Variants in PRKCA observed in about 807,000 individuals in gnomAD.
PRKCA encodes protein kinase C alpha type.
Under a neutral mutation model 87.0 loss-of-function variants are expected in PRKCA, and 27 were observed. That is an observed-to-expected ratio of 0.31 (90% CI 0.23 to 0.43). PRKCA has a LOEUF of 0.43. Ranked by LOEUF, PRKCA falls within the 20% of genes least tolerant of loss-of-function variation. PRKCA has a pLI of 1.00. For missense variants in PRKCA, 518 were observed against 852.3 expected (o/e 0.61, Z 4.88); for synonymous variants, 329 against 311.1 (o/e 1.06, Z -0.61).
rs184006804 is a variant in PRKCA, at chr17:66,642,813, C to T, written c.400+1347C>T. 2.2e-3 allele frequency among the ~76,000 whole-genome samples: 328 copies of T among 152,128 alleles called. 1 individual carries two copies. Among genetic ancestry groups the T allele is most frequent in the Middle Eastern group, 0.01 (3 of 294 alleles). On this transcript the variant is annotated intron_variant, in intron 4 of 16. Transcript: ENST00000413366. ...ATCCCAGCACTTTGGGAGGCCGAGG[C>T]GGGAGGATCACCTGAGGTTAGGAGT...
At chr17:66,520,295 A>G (rs1009300890) in intron 3 of PRKCA, among the ~76,000 whole-genome samples, 4 of 151,728 alleles carry the variant, frequency 2.6e-5, no homozygotes, top group African/African-American at 9.7e-5. Flanking sequence ...TAATTTTTGT[A>G]CTTTTAGTAG....
At chr17:66,652,276 A>G (rs1971609487) in intron 5 of PRKCA, among the ~76,000 whole-genome samples, 1 of 152,212 alleles carries the variant, frequency 6.6e-6, no homozygotes, top group Non-Finnish European at 1.5e-5. Flanking sequence ...CTTGATTAAA[A>G]GAGAATGAGG....
At chr17:66,448,980 TA>T (rs58373500) in intron 2 of PRKCA, among the ~76,000 whole-genome samples, 26,461 of 140,376 alleles carry the variant, frequency 0.19, 2,597 homozygotes, top group East Asian at 0.26. Flanking sequence ...ACTCTAAACT[TA>T]AAAAAAAAAA....
At chr17:66,372,123 T>G (rs1194590721) in intron 2 of PRKCA, among the ~76,000 whole-genome samples, 1 of 152,194 alleles carries the variant, frequency 6.6e-6, no homozygotes, top group Non-Finnish European at 1.5e-5. Flanking sequence ...TCGTGGGGAC[T>G]TCATTTAAAA....
At chr17:66,789,356 C>T (rs12937559) in intron 16 of PRKCA, among the ~76,000 whole-genome samples, 20,215 of 152,232 alleles carry the variant, frequency 0.13, 1,443 homozygotes, top group East Asian at 0.18. Context: ...GGCTTCGTGT[C>T]TGTCTCTGGT....
chr17:66,576,936 G>A (rs118072589), intron 3 of PRKCA, among the ~76,000 whole-genome samples: 8,040 of 149,538 alleles, frequency 0.054, 273 homozygotes, highest in East Asian at 0.13. Context: ...GTCCAGTGGT[G>A]CGATCTTGGC....
chr17:66,303,224 C>T (rs1282162835), intron 1 of PRKCA, among the ~76,000 whole-genome samples, 200 bp downstream of exon 1: 2 of 152,236 alleles, frequency 1.3e-5, no homozygotes, highest in East Asian at 3.9e-4. Context: ...GCCGTCCCGC[C>T]ACACACACCC....
chr17:66,612,935 T>G (rs1007872867), intron 3 of PRKCA, among the ~76,000 whole-genome samples: 1 of 152,210 alleles, frequency 6.6e-6, no homozygotes, highest in African/African-American at 2.4e-5. Context: ...AAAGTCATGT[T>G]TATTCATTTG....
chr17:66,556,364 G>A (rs569041428), intron 3 of PRKCA, among the ~76,000 whole-genome samples: 95 of 138,544 alleles, frequency 6.9e-4, no homozygotes, highest in South Asian at 1.8e-3. Flanking sequence ...AGTCTTCATG[G>A]GCATTAGGTG....
chr17:66,668,488 C>A (rs1194827899), intron 5 of PRKCA, among the ~76,000 whole-genome samples: 1 of 152,134 alleles, frequency 6.6e-6, no homozygotes, highest in Non-Finnish European at 1.5e-5. Context: ...CTGGCTCCAG[C>A]AAAAACACAC....
intron 5 of PRKCA, among the ~76,000 whole-genome samples, chr17:66,665,286 A>G (rs1972014226): frequency 1.3e-5 from 2 of 152,222 alleles, no homozygotes; most frequent in African/African-American, 2.4e-5. Context: ...GGAACTTGCC[A>G]GGTGACAAGG....
At chr17:66,324,354 C>T (rs1905851832) in intron 2 of PRKCA, among the ~76,000 whole-genome samples, 2 of 151,304 alleles carry the variant, frequency 1.3e-5, no homozygotes, top group Admixed American at 1.3e-4. Flanking sequence ...GTAATCCCAG[C>T]ACTTTGGGAG....
At chr17:66,518,535 A>G (rs1285149712) in intron 3 of PRKCA, among the ~76,000 whole-genome samples, 6 of 152,230 alleles carry the variant, frequency 3.9e-5, no homozygotes, top group Non-Finnish European at 7.3e-5. Context: ...TGTGAATGCT[A>G]CCAGAAAGGT....
intron 2 of PRKCA, among the ~76,000 whole-genome samples, chr17:66,434,764 G>A (rs574874624): frequency 8.5e-4 from 129 of 152,138 alleles, no homozygotes; most frequent in Non-Finnish European, 1.5e-3. Flanking sequence ...CTCTTGCCTG[G>A]GTTAGAATGA....
chr17:66,347,815 G>T (rs1567783278), intron 2 of PRKCA, among the ~76,000 whole-genome samples: 1 of 152,002 alleles, frequency 6.6e-6, no homozygotes, highest in East Asian at 1.9e-4. Flanking sequence ...CAACCATATT[G>T]TAGTTGTTCT....
Position 66,407,524 on chromosome 17 carries a change from A to G in PRKCA, c.206-88677A>G, listed in dbSNP as rs985476756. On this transcript the variant is annotated intron_variant, in intron 2 of 16. Transcript: ENST00000413366. The stretch of plus-strand genomic sequence containing the variant: ...TGAGCCAGTTAAACCTCTTTTCTTT[A>G]TAAATTACCTAGTCACAGGTATTTC... 4.6e-5 allele frequency among the ~76,000 whole-genome samples: 7 copies of G among 152,272 alleles called. No homozygotes were observed. The East Asian group carries it at 1.4e-3, about 29-fold the overall frequency.
chr17:66,512,044 C>T (rs1382257847), intron 3 of PRKCA, among the ~76,000 whole-genome samples: 1 of 152,114 alleles, frequency 6.6e-6, no homozygotes, highest in Non-Finnish European at 1.5e-5. Context: ...ACAGTAGCGC[C>T]TCTGAAGAAA....
At chr17:66,613,812 G>A (rs1243277891) in intron 3 of PRKCA, among the ~76,000 whole-genome samples, 1 of 91,380 alleles carries the variant, frequency 1.1e-5, no homozygotes, top group East Asian at 3.9e-4. Context: ...TTTTGAGACA[G>A]AGTCTTGCTC....
chr17:66,342,441 A>AATAAT, intron 2 of PRKCA, among the ~76,000 whole-genome samples: 1 of 142,988 alleles, frequency 7.0e-6, no homozygotes, highest in Non-Finnish European at 1.5e-5. Context: ...AAAATAAAAT[A>AATAAT]AATAATAATA....
Sources: gnomAD v4.1 joint callset for allele counts (sites outside exome capture counted in the v4.1 genomes callset) on GRCh38, gnomAD v4.1.1 for gene constraint, MANE v1.5 for transcripts, NCBI Gene and HGNC (gene_info 2026-07-23, HGNC 2026-07-21) for gene names.